EYS: variants seen among roughly 807,000 people sequenced by gnomAD.
EYS encodes the protein protein eyes shut homolog.
Under a neutral mutation model 282.1 loss-of-function variants are expected in EYS, and 250 were observed. The observed-to-expected ratio is 0.89, with a 90% confidence interval of 0.80 to 0.98. The LOEUF (loss-of-function observed/expected upper bound fraction) is 0.98. EYS is among the 50% of genes least tolerant of loss of function. EYS has a pLI of 0.00. For missense variants in EYS, 4,016 were observed against 3,709.0 expected, an observed-to-expected ratio of 1.08 and a Z score of -2.15; for synonymous variants, 1,355 against 1,282.9, an observed-to-expected ratio of 1.06 and a Z score of -1.20.
chr6:65,497,854 A>T (rs1281856120), intron 2 of EYS, among the ~76,000 whole-genome samples: 1 of 152,018 alleles, frequency 6.6e-6, no homozygotes, highest in African/African-American at 2.4e-5. Flanking sequence ...CACAATTTTG[A>T]AGAACCTGTC....
At chr6:64,678,395 T>C (rs1012157335) in intron 22 of EYS, among the ~76,000 whole-genome samples, 7 of 151,944 alleles carry the variant, frequency 4.6e-5, no homozygotes, top group African/African-American at 1.5e-4. Flanking sequence ...CTGGCCAACA[T>C]GGCGAAACCC....
At chr6:65,194,702 G>A (rs1765723146) in intron 12 of EYS, among the ~76,000 whole-genome samples, 1 of 151,930 alleles carries the variant, frequency 6.6e-6, no homozygotes, top group African/African-American at 2.4e-5. Flanking sequence ...TGAGAACAGC[G>A]AAGCAAGCAG....
chr6:64,968,911 A>G (rs750503149), intron 14 of EYS, among the ~76,000 whole-genome samples: 1 of 152,216 alleles, frequency 6.6e-6, no homozygotes, highest in Non-Finnish European at 1.5e-5. Flanking sequence ...ATGAAGGTAC[A>G]AAGACCAAGC....
rs527769673 is a variant in EYS, at chr6:65,016,801, C to T, written c.2138-19098G>A. Among the ~76,000 whole-genome samples, 56 of 152,234 alleles carry T rather than the reference C, an allele frequency of 3.7e-4. 2 individuals are homozygous for T. In the South Asian group the frequency reaches 6.8e-3, roughly 19 times the overall value. On this transcript the variant is annotated intron_variant, in intron 13 of 42. Coordinates refer to ENST00000503581, the MANE Select transcript of EYS (RefSeq NM_001142800.2). ...CATATTAAAGATAAGTCCTAATTCT[C>T]TTTATATTTTCATAAAACTCATTAT...
At chr6:65,603,613 T>G (rs1373342532) in intron 2 of EYS, among the ~76,000 whole-genome samples, 1 of 152,026 alleles carries the variant, frequency 6.6e-6, no homozygotes, top group Non-Finnish European at 1.5e-5. Context: ...CATATCACAC[T>G]GAAGAGGTCC....
chr6:63,779,934 T>C (rs1365321905), intron 39 of EYS, among the ~76,000 whole-genome samples: 3 of 152,130 alleles, frequency 2.0e-5, no homozygotes, highest in African/African-American at 7.2e-5. Flanking sequence ...TGTGTGATGT[T>C]CCCCACCCTG....
chr6:65,488,265 T>C (rs768333992), intron 5 of EYS, among the ~76,000 whole-genome samples: 1 of 152,172 alleles, frequency 6.6e-6, no homozygotes, highest in Non-Finnish European at 1.5e-5. Context: ...ATTGTGATGT[T>C]AGGATGTCGA....
chr6:65,450,943 T>G (rs1486932458), intron 5 of EYS, among the ~76,000 whole-genome samples: 2 of 152,148 alleles, frequency 1.3e-5, no homozygotes, highest in Non-Finnish European at 2.9e-5. Flanking sequence ...CACACATAAT[T>G]TATCTCCCTT....
At chr6:65,231,013 C>T (rs1454389973) in intron 12 of EYS, among the ~76,000 whole-genome samples, 1 of 147,662 alleles carries the variant, frequency 6.8e-6, no homozygotes, top group Non-Finnish European at 1.5e-5. Context: ...ACTAGTTTAC[C>T]TATGTAACAA....
intron 26 of EYS, among the ~76,000 whole-genome samples, chr6:64,586,628 T>G (rs1006592026): frequency 6.6e-6 from 1 of 152,050 alleles, no homozygotes; most frequent in Admixed American, 6.6e-5. Flanking sequence ...AAATATCAAT[T>G]GAGTGTTAAA....
At position 64,766,959 on chromosome 6, in the gene EYS, A is replaced by G. The variant is rs553401124; in HGVS notation, c.3443+46419T>C. Among the ~76,000 whole-genome samples the G allele has an allele frequency of 2.6e-4, 40 of 151,938 alleles. No homozygotes were observed. The South Asian group carries it at 5.0e-3, about 19-fold the overall frequency. ...AAACTGAAAAGAAGTCAATTATTTT[A>G]AGTCTACAGATCATTGAAAGTTCTG... On this transcript the variant is annotated intron_variant, in intron 22 of 42. Coordinates refer to ENST00000503581, the MANE Select transcript of EYS (RefSeq NM_001142800.2).
intron 22 of EYS, among the ~76,000 whole-genome samples, chr6:64,779,992 A>T (rs2149992743): frequency 6.6e-6 from 1 of 152,316 alleles, no homozygotes; most frequent in Admixed American, 6.5e-5. Context: ...AACTACAAAG[A>T]GATATGAAAT....
intron 26 of EYS, among the ~76,000 whole-genome samples, chr6:64,440,836 AG>A (rs1008973656): frequency 3.9e-5 from 6 of 152,158 alleles, no homozygotes; most frequent in Non-Finnish European, 8.8e-5. Flanking sequence ...AATTACATAC[AG>A]GGGGTCTTCA....
intron 24 of EYS, among the ~76,000 whole-genome samples, chr6:64,594,392 T>C (rs541131877): frequency 6.6e-6 from 1 of 152,264 alleles, no homozygotes; most frequent in South Asian, 2.1e-4. Flanking sequence ...TTTGGGTATA[T>C]ACTCAGTAAT....
At chr6:64,162,475 A>G (rs1775136991) in intron 31 of EYS, among the ~76,000 whole-genome samples, 1 of 152,056 alleles carries the variant, frequency 6.6e-6, no homozygotes, top group South Asian at 2.1e-4. Context: ...TTGCTTGAGT[A>G]TGGTGCCCTT....
chr6:64,800,221 G>A lies in EYS; in HGVS notation c.3443+13157C>T, dbSNP rs549592461. ...ATGTACAGATGCCCTGACCTGTGGAGATACAGTAATTCCACTGACAATAAG... is the reference window on the plus strand; with the variant it reads ...ATGTACAGATGCCCTGACCTGTGGAAATACAGTAATTCCACTGACAATAAG... On this transcript the variant is annotated intron_variant, in intron 22 of 42. Coordinates refer to ENST00000503581, the MANE Select transcript of EYS (RefSeq NM_001142800.2). Among the ~76,000 whole-genome samples, 4 of 152,146 alleles carry A rather than the reference G, an allele frequency of 2.6e-5. No individual in the cohort carries two copies. The South Asian group carries it at 8.3e-4, about 32-fold the overall frequency.
intron 12 of EYS, among the ~76,000 whole-genome samples, chr6:65,093,727 T>C (rs996803310): frequency 6.6e-6 from 1 of 151,728 alleles, no homozygotes; most frequent in Non-Finnish European, 1.5e-5. Context: ...AAAATACCTA[T>C]AAAATAGATA....
intron 21 of EYS, among the ~76,000 whole-genome samples, chr6:64,820,087 A>G (rs1261739895): frequency 6.6e-6 from 1 of 152,044 alleles, no homozygotes; most frequent in Non-Finnish European, 1.5e-5. Context: ...TCATACTCTC[A>G]TCAGGTAAGT....
intron 22 of EYS, among the ~76,000 whole-genome samples, chr6:64,712,072 T>G (rs1771233193): frequency 6.6e-6 from 1 of 152,226 alleles, no homozygotes; most frequent in Non-Finnish European, 1.5e-5. Context: ...AACTTGGCTT[T>G]CAGGCTTTAA....
Sources: gnomAD v4.1 joint callset for allele counts (sites outside exome capture counted in the v4.1 genomes callset) on GRCh38, gnomAD v4.1.1 for gene constraint, MANE v1.5 for transcripts, NCBI Gene and HGNC (gene_info 2026-07-23, HGNC 2026-07-21) for gene names.